The following MCPH1 variants were observed in gnomAD, a reference collection of about 807,000 sequenced individuals.
MCPH1 encodes microcephalin.
In MCPH1, 104 loss-of-function variants were observed where a neutral mutation model predicts 84.5. That is an observed-to-expected ratio of 1.23 (90% confidence interval 1.05 to 1.45). MCPH1 has a LOEUF of 1.45. Among genes scored for constraint, MCPH1 ranks in the 40% most tolerant of loss-of-function variants. MCPH1 has a pLI of 0.00. For synonymous variants in MCPH1, 514 were observed against 366.8 expected (o/e 1.40, Z -4.58); for missense variants, 1,498 against 1,005.7 (o/e 1.49, Z -6.62).
At chr8:6,549,842 A>T (rs543571485) in intron 12 of MCPH1, among the ~76,000 whole-genome samples, 9 of 152,360 alleles carry the variant, frequency 5.9e-5, no homozygotes, top group African/African-American at 2.2e-4. Flanking sequence ...TGTACACTCA[A>T]GATTTGTGAA....
chr8:6,408,761 C>T (rs1021460498), intron 1 of MCPH1, among the ~76,000 whole-genome samples: 9 of 152,144 alleles, frequency 5.9e-5, no homozygotes, highest in Non-Finnish European at 1.0e-4. Context: ...CAGGGTTTCA[C>T]TATGTTGCCC....
intron 13 of MCPH1, among the ~76,000 whole-genome samples, chr8:6,635,991 A>G (rs1311473090): frequency 6.6e-6 from 1 of 152,236 alleles, no homozygotes; most frequent in African/African-American, 2.4e-5. Flanking sequence ...TTTACTGTGA[A>G]GTACTTATGT....
At chr8:6,484,263 C>G (rs913230865) in intron 11 of MCPH1, among the ~76,000 whole-genome samples, 1 of 152,144 alleles carries the variant, frequency 6.6e-6, no homozygotes, top group Non-Finnish European at 1.5e-5. Flanking sequence ...TTTGAATAGA[C>G]AGTTTACTGA....
intron 12 of MCPH1, chr8:6,532,309 G>A (rs1397351968): frequency 3.1e-6 from 5 of 1,613,916 alleles, no homozygotes; most frequent in Non-Finnish European, 4.2e-6. Flanking sequence ...GGGACACCGT[G>A]TGCTTTATGT....
chr8:6,482,180 C>G (rs1809330186), intron 11 of MCPH1, among the ~76,000 whole-genome samples: 1 of 152,184 alleles, frequency 6.6e-6, no homozygotes, highest in Non-Finnish European at 1.5e-5. Context: ...ATGCTGACAA[C>G]TTTGATATGC....
Position 6,431,604 on chromosome 8 carries a change from A to G in MCPH1, c.321+18A>G, listed in dbSNP as rs775680072. The G allele has an allele frequency of 7.5e-6, 11 of 1,467,038 alleles. No homozygotes were observed. Among genetic ancestry groups the G allele is most frequent in the Admixed American group, 6.9e-5 (4 of 57,648 alleles). 90.9% of individuals were successfully genotyped at this position (1,467,038 alleles called of 1,614,324 possible). ...AAAAAAAAGTAAGTACATGATTTCAATGTAGATAATGGCAATTAGGAATTT... is the reference window on the plus strand; with the variant it reads ...AAAAAAAAGTAAGTACATGATTTCAGTGTAGATAATGGCAATTAGGAATTT... On this transcript the variant is annotated intron_variant, in intron 4 of 13. Coordinates refer to ENST00000344683, the MANE Select transcript of MCPH1 (RefSeq NM_024596.5).
At chr8:6,503,674 G>C (rs1197171436) in intron 12 of MCPH1, among the ~76,000 whole-genome samples, 1 of 152,180 alleles carries the variant, frequency 6.6e-6, no homozygotes, top group Non-Finnish European at 1.5e-5. Context: ...GGCTCCCCTT[G>C]CTCTATTAAA....
At chr8:6,474,163 A>T (rs1427391912) in intron 9 of MCPH1, 38 of 745,302 alleles carry the variant, frequency 5.1e-5, no homozygotes, top group Non-Finnish European at 1.2e-5. Flanking sequence ...TCATTTGGTT[A>T]TCTAACTCAT....
rs1410846456 is a variant in MCPH1, at chr8:6,646,758, T to C, written c.*3709T>C. 1.3e-5 allele frequency: 2 copies of C among 152,222 alleles called. No individual in the cohort carries two copies. Among genetic ancestry groups the C allele is most frequent in the African/African-American group, 2.4e-5 (1 of 41,454 alleles). 9.4% of individuals were successfully genotyped at this position (152,222 alleles called of 1,614,324 possible). A position where few individuals can be genotyped will look rare whatever the true frequency, so the allele number is the denominator to read the frequency against. On this transcript the variant is annotated 3_prime_UTR_variant, in exon 14 of 14. Transcript: ENST00000344683. ...CATCCCTCCCCTGACACACACCTAG[T>C]TTTGACAATCTCTGTCTCCAGATAT...
intron 12 of MCPH1, among the ~76,000 whole-genome samples, chr8:6,596,377 C>A (rs939169267): frequency 6.6e-6 from 1 of 152,168 alleles, no homozygotes; most frequent in Non-Finnish European, 1.5e-5. Context: ...TGCATCATGG[C>A]AGGTTATACA....
In MCPH1 at chr8:6,643,304, T is replaced by G. The variant is rs895252523; in HGVS notation, c.*255T>G. ...TTTTGAGACGGAGTCCTGCCCTGTT[T>G]CCCAGGCTGGAGTGCAATGGCACAA... On this transcript the variant is annotated 3_prime_UTR_variant, in exon 14 of 14. Coordinates refer to ENST00000344683, the MANE Select transcript of MCPH1 (RefSeq NM_024596.5). 58 of 480,928 alleles carry G rather than the reference T, an allele frequency of 1.2e-4. No homozygotes were observed. The highest frequency in any genetic ancestry group is 2.0e-4 in the Non-Finnish European group (52 of 266,368). The allele number at this position is 480,928 out of a possible 1,614,324, so 29.8% of individuals were successfully genotyped here. A position where few individuals can be genotyped will look rare whatever the true frequency, so the allele number is the denominator to read the frequency against.
At chr8:6,628,069 G>A (rs551947224) in intron 13 of MCPH1, among the ~76,000 whole-genome samples, 395 of 152,196 alleles carry the variant, frequency 2.6e-3, no homozygotes, top group Non-Finnish European at 4.4e-3. Flanking sequence ...TAATGGTCCT[G>A]GATGGTTATC....
At chr8:6,486,557 A>G (rs1244923333) in intron 11 of MCPH1, among the ~76,000 whole-genome samples, 14 of 152,220 alleles carry the variant, frequency 9.2e-5, no homozygotes, top group Non-Finnish European at 2.1e-4. Context: ...TTTTATAACA[A>G]AGTTCAGTTT....
At position 6,580,274 on chromosome 8, in the gene MCPH1, TCCTC is replaced by T. The variant is rs564178749; in HGVS notation, c.2215-41178_2215-41175del. Among the ~76,000 whole-genome samples, 245 of 152,296 alleles carry T rather than the reference TCCTC, an allele frequency of 1.6e-3. 2 individuals carry two copies. The highest frequency in any genetic ancestry group is 5.7e-3 in the African/African-American group (237 of 41,570). On this transcript the variant is annotated intron_variant, in intron 12 of 13. Coordinates refer to ENST00000344683, the MANE Select transcript of MCPH1 (RefSeq NM_024596.5). ...TCCACGATGTCCATCAGCACTTTCT[TCCTC>T]CGTTGCAGTGTAGGTCAGCCCTTCG...
chr8:6,472,237 C>T (rs1807820920), intron 9 of MCPH1, among the ~76,000 whole-genome samples: 1 of 152,116 alleles, frequency 6.6e-6, no homozygotes, highest in Admixed American at 6.5e-5. Context: ...AAGAATATCA[C>T]ATCAAGAGGG....
At chr8:6,606,799 C>T (rs1467124511) in intron 12 of MCPH1, among the ~76,000 whole-genome samples, 1 of 152,190 alleles carries the variant, frequency 6.6e-6, no homozygotes, top group African/African-American at 2.4e-5. Flanking sequence ...CTTTCTCATG[C>T]TGTTCTCGTG....
At chr8:6,491,359 G>C (rs1029350948) in intron 11 of MCPH1, among the ~76,000 whole-genome samples, 3 of 146,240 alleles carry the variant, frequency 2.1e-5, no homozygotes, top group Admixed American at 2.0e-4. Flanking sequence ...AACAGAAGTA[G>C]AGTCTATGGT....
In MCPH1 at chr8:6,477,627, T is replaced by A; in HGVS notation, c.1969T>A (p.Ser657Thr). ...AACATTAGTCATGACAAGCATGCCA[T>A]CTGAGTAAGTACTTGTTTTGATTTC... ...TRTLVMTSMP[S>T]EKQNVVIQVV... The change falls in exon 10 of 14, where the codon TCT becomes ACT. Residue 657 changes from serine (S) to threonine (T), a missense_variant. Coordinates refer to ENST00000344683, the MANE Select transcript of MCPH1 (RefSeq NM_024596.5). 6.2e-7 allele frequency: 1 copy of A among 1,612,350 alleles called. No individual in the cohort carries two copies. The highest frequency in any genetic ancestry group is 8.5e-7 in the Non-Finnish European group (1 of 1,178,664).
intron 12 of MCPH1, among the ~76,000 whole-genome samples, chr8:6,557,438 T>C (rs1279832267): frequency 6.6e-6 from 1 of 152,130 alleles, no homozygotes. Context: ...TGATGACTGG[T>C]GTGGCTGCAA....
Sources: allele counts gnomAD v4.1 joint callset (sites outside exome capture counted in the v4.1 genomes callset), GRCh38; gene constraint gnomAD v4.1.1; transcripts MANE v1.5; gene names NCBI Gene and HGNC (gene_info 2026-07-23, HGNC 2026-07-21).